Variants in FAM81A observed in about 807,000 individuals in gnomAD.
The protein encoded by FAM81A is family with sequence similarity 81 member A.
In FAM81A, 19 loss-of-function variants were observed where a neutral mutation model predicts 46.7. That is an observed-to-expected ratio of 0.41 (90% CI 0.28 to 0.60). The LOEUF (loss-of-function observed/expected upper bound fraction) is 0.60. Ranked by LOEUF, FAM81A falls within the 20% of genes least tolerant of loss-of-function variation. FAM81A has a pLI of 0.34. For missense variants in FAM81A, 377 were observed against 453.5 expected (o/e 0.83, Z 1.53); for synonymous variants, 183 against 152.9 (o/e 1.20, Z -1.45).
rs2082272762 is a variant in FAM81A, at chr15:59,516,809, C to T, written c.951C>T (p.Asn317=). The stretch of plus-strand genomic sequence containing the variant: ...AGCTGGAGTTACAGATGAACCAGAA[C>T]ATCAAGGAAATGAAAGCAGAAGTTA... ...ITKLELQMNQ[N]IKEMKAEVNA... Residue 317 remains asparagine (N), a synonymous_variant, in exon 8 of 9, where the codon AAC becomes AAT. Coordinates refer to ENST00000288228, the MANE Select transcript of FAM81A (RefSeq NM_152450.3). 1 of 1,606,924 alleles carries T rather than the reference C, an allele frequency of 6.2e-7. No homozygotes were observed. The highest frequency in any genetic ancestry group is 8.5e-7 in the Non-Finnish European group (1 of 1,177,884).
In FAM81A at chr15:59,509,099, A is replaced by G. The variant is rs185840939; in HGVS notation, c.650+130A>G. 1.7e-5 allele frequency: 12 copies of G among 696,438 alleles called. 1 individual carries two copies. In the East Asian group the frequency reaches 3.8e-4, roughly 22 times the overall value. The allele number at this position is 696,438 out of a possible 1,614,324, so 43.1% of individuals were successfully genotyped here. On this transcript the variant is annotated intron_variant, in intron 6 of 8. Coordinates refer to ENST00000288228, the MANE Select transcript of FAM81A (RefSeq NM_152450.3). ...AACAATAATGGAAGTTAAAAAGAAAAGTTTCCTTGTATCATGTTGCCACTT... is the reference window on the plus strand; with the variant it reads ...AACAATAATGGAAGTTAAAAAGAAAGGTTTCCTTGTATCATGTTGCCACTT...
At chr15:59,514,170 A>G in intron 6 of FAM81A, 119 bp from the exon 7 acceptor site, 1 of 1,049,902 alleles carries the variant, frequency 9.5e-7, no homozygotes, top group Non-Finnish European at 1.3e-6. Context: ...GCAAACCACC[A>G]TGGCACATGT....
chr15:59,502,134 CATT>C (rs2082097784), intron 4 of FAM81A, among the ~76,000 whole-genome samples: 1 of 150,666 alleles, frequency 6.6e-6, no homozygotes, highest in Non-Finnish European at 1.5e-5. Context: ...AGAGTAAGAA[CATT>C]ATTTTTATTT....
rs62015022 is a variant in FAM81A, at chr15:59,421,725, G to A, written c.-78+19367G>A. On this transcript the variant is annotated intron_variant, in intron 2 of 4. Transcript: ENST00000558348. ...CCTTAAACTATCTATCTGTCTGTCTGTCTGTCTATCTATCTATCTGTCTAT... is the reference window on the plus strand; with the variant it reads ...CCTTAAACTATCTATCTGTCTGTCTATCTGTCTATCTATCTATCTGTCTAT... Among the ~76,000 whole-genome samples the A allele has an allele frequency of 6.5e-5, 9 of 137,418 alleles. No homozygotes were observed. In the East Asian group the frequency reaches 8.2e-4, roughly 13 times the overall value. The allele number at this position is 137,418 out of a possible 152,430, so 90.2% of individuals were successfully genotyped here.
intron 2 of FAM81A, among the ~76,000 whole-genome samples, chr15:59,433,098 C>T (rs1213006059): frequency 5.8e-5 from 8 of 139,094 alleles, no homozygotes; most frequent in Admixed American, 7.5e-5. Context: ...GCCAAGATCG[C>T]GCCACTGCGC....
intron 3 of FAM81A, among the ~76,000 whole-genome samples, chr15:59,474,472 G>A (rs574689005): frequency 6.6e-6 from 1 of 152,176 alleles, no homozygotes; most frequent in African/African-American, 2.4e-5. Flanking sequence ...CAAAAGGATT[G>A]AACAGAGTGG....
At chr15:59,514,052 A>G (rs2082241051) in intron 6 of FAM81A, among the ~76,000 whole-genome samples, 1 of 151,372 alleles carries the variant, frequency 6.6e-6, no homozygotes, top group African/African-American at 2.4e-5. Context: ...CAGGGAGGGG[A>G]CCAACACATA....
intron 2 of FAM81A, among the ~76,000 whole-genome samples, chr15:59,404,981 A>G (rs1282908169): frequency 3.9e-5 from 6 of 152,162 alleles, no homozygotes; most frequent in Non-Finnish European, 7.3e-5. Context: ...GTGCTCTTTG[A>G]ACACACAGAG....
At chr15:59,398,042 T>G (rs1447756454) in intron 1 of FAM81A, among the ~76,000 whole-genome samples, 1 of 152,036 alleles carries the variant, frequency 6.6e-6, no homozygotes, top group Non-Finnish European at 1.5e-5. Flanking sequence ...GGAGGAGAAA[T>G]GGGCACAATC....
chr15:59,462,857 G>A (rs2081569369), intron 3 of FAM81A, among the ~76,000 whole-genome samples: 4 of 151,994 alleles, frequency 2.6e-5, no homozygotes, highest in Admixed American at 2.6e-4. Context: ...TTTTTATATT[G>A]GGTTATTTGT....
In FAM81A at chr15:59,516,609, G is replaced by C. The variant is rs373520015; in HGVS notation, c.787-36G>C. The C allele has an allele frequency of 1.4e-5, 22 of 1,577,530 alleles. No homozygotes were observed. The African/African-American group carries it at 2.8e-4, about 20-fold the overall frequency. On this transcript the variant is annotated intron_variant, in intron 7 of 8. Coordinates refer to ENST00000288228, the MANE Select transcript of FAM81A (RefSeq NM_152450.3). The stretch of plus-strand genomic sequence containing the variant: ...GTGAATGCAATGCAGATTTCTTTTT[G>C]GAGTGATTAAGTGCAGTTCTTATCA...
chr15:59,441,356 A>T (rs1313534770), intron 1 of FAM81A, among the ~76,000 whole-genome samples: 5 of 152,362 alleles, frequency 3.3e-5, no homozygotes, highest in African/African-American at 1.2e-4. Flanking sequence ...ACTGTTCCGT[A>T]TGGTAGTCAC....
chr15:59,521,387 G>A lies in FAM81A; in HGVS notation c.*9G>A. 1.2e-6 allele frequency: 2 copies of A among 1,600,202 alleles called. No individual in the cohort carries two copies. Among genetic ancestry groups the A allele is most frequent in the Non-Finnish European group, 1.7e-6 (2 of 1,173,032 alleles). On this transcript the variant is annotated 3_prime_UTR_variant, in exon 9 of 9. Transcript: ENST00000288228. ...CAGAGACCCCCATGTGAAGGGAGCT[G>A]GGACAAGGTCCTAAAAGACAGTTTT...
At chr15:59,462,800 A>C (rs901247194) in intron 3 of FAM81A, among the ~76,000 whole-genome samples, 2 of 152,220 alleles carry the variant, frequency 1.3e-5, no homozygotes, top group Admixed American at 6.5e-5. Flanking sequence ...TTCACTTAGC[A>C]TAATGTTTTC....
intron 4 of FAM81A, among the ~76,000 whole-genome samples, chr15:59,498,174 A>C (rs575377879): frequency 6.6e-6 from 1 of 152,364 alleles, no homozygotes; most frequent in Non-Finnish European, 1.5e-5. Context: ...TTGGATCCAC[A>C]AATGTGGATA....
chr15:59,462,067 G>C (rs1380735049), intron 3 of FAM81A, among the ~76,000 whole-genome samples: 1 of 151,992 alleles, frequency 6.6e-6, no homozygotes, highest in African/African-American at 2.4e-5. Flanking sequence ...GCTGGGCGAG[G>C]TAGCGGGTGC....
At chr15:59,472,233 T>C (rs2081702945) in intron 3 of FAM81A, among the ~76,000 whole-genome samples, 1 of 151,904 alleles carries the variant, frequency 6.6e-6, no homozygotes, top group Non-Finnish European at 1.5e-5. Flanking sequence ...CCCAGTGCTT[T>C]GGGAGGCCGA....
chr15:59,405,556 G>C (rs1328486293), intron 2 of FAM81A, among the ~76,000 whole-genome samples: 1 of 152,048 alleles, frequency 6.6e-6, no homozygotes, highest in Non-Finnish European at 1.5e-5. Flanking sequence ...GGGGAGGATC[G>C]CTTGAACCCT....
At position 59,399,580 on chromosome 15, in the gene FAM81A, A is replaced by T. The variant is rs557530983; in HGVS notation, c.-160-2696A>T. ...GCAGATGAAAGGGATGTACGAGAGGAGGAAGGGCAGGGTGTTTCTGGTGAG... is the reference window on the plus strand; with the variant it reads ...GCAGATGAAAGGGATGTACGAGAGGTGGAAGGGCAGGGTGTTTCTGGTGAG... On this transcript the variant is annotated intron_variant, in intron 1 of 4. Coordinates refer to the FAM81A transcript ENST00000558348. 3.9e-5 allele frequency among the ~76,000 whole-genome samples: 6 copies of T among 152,252 alleles called. No individual in the cohort carries two copies. In the East Asian group the frequency reaches 1.2e-3, roughly 29 times the overall value.
Sources: gnomAD v4.1 joint callset for allele counts (sites outside exome capture counted in the v4.1 genomes callset) on GRCh38, gnomAD v4.1.1 for gene constraint, MANE v1.5 for transcripts, NCBI Gene and HGNC (gene_info 2026-07-23, HGNC 2026-07-21) for gene names.